RBFOX2: variants seen among roughly 807,000 people sequenced by gnomAD.
The protein encoded by RBFOX2 is RNA binding fox-1 homolog 2.
In RBFOX2, 10 loss-of-function variants were observed where a neutral mutation model predicts 49.1. That is an observed-to-expected ratio of 0.20 (90% CI 0.13 to 0.35). The LOEUF is 0.35. RBFOX2 is among the 10% of genes least tolerant of loss of function. RBFOX2 has a pLI of 1.00. For synonymous variants in RBFOX2, 183 were observed against 187.4 expected (o/e 0.98, Z 0.19); for missense variants, 323 against 486.9 (o/e 0.66, Z 3.17).
intron 1 of RBFOX2, among the ~76,000 whole-genome samples, chr22:35,905,840 T>C (rs5755983): frequency 0.23 from 34,730 of 152,116 alleles, 6,251 homozygotes; most frequent in African/African-American, 0.5. Context: ...AACACATATG[T>C]CATGGTGGTC....
chr22:35,801,902 AT>A (rs1949861124), intron 2 of RBFOX2, among the ~76,000 whole-genome samples: 1 of 152,140 alleles, frequency 6.6e-6, no homozygotes, highest in African/African-American at 2.4e-5. Flanking sequence ...AAAATTTCTC[AT>A]TTTATTGTTA....
chr22:35,858,167 C>T (rs1438291691), intron 1 of RBFOX2, among the ~76,000 whole-genome samples: 1 of 152,170 alleles, frequency 6.6e-6, no homozygotes, highest in African/African-American at 2.4e-5. Flanking sequence ...TAAATTTTAA[C>T]AAACTTTCTA....
At chr22:35,876,408 C>A (rs914774854) in intron 1 of RBFOX2, among the ~76,000 whole-genome samples, 1 of 151,238 alleles carries the variant, frequency 6.6e-6, no homozygotes, top group South Asian at 2.1e-4. Flanking sequence ...GAAATGTGCT[C>A]GGAAAAAAAG....
intron 1 of RBFOX2, among the ~76,000 whole-genome samples, chr22:35,860,447 C>T (rs543774305): frequency 5.9e-5 from 9 of 152,268 alleles, no homozygotes; most frequent in Admixed American, 2.6e-4. Flanking sequence ...ACTCCTGACC[C>T]GCAGAACTCT....
At chr22:35,928,713 C>T (rs962447504) in intron 1 of RBFOX2, among the ~76,000 whole-genome samples, 2 of 152,090 alleles carry the variant, frequency 1.3e-5, no homozygotes, top group African/African-American at 2.4e-5. Context: ...TGACAAAGAA[C>T]TTGTACCCAG....
chr22:35,897,700 G>A, intron 1 of RBFOX2: 1 of 1,015,220 alleles, frequency 9.9e-7, no homozygotes, highest in East Asian at 2.4e-5. Context: ...TTGTTTAACT[G>A]CCTTCCAGCC....
intron 1 of RBFOX2, among the ~76,000 whole-genome samples, chr22:35,886,175 G>A (rs573394820): frequency 6.6e-6 from 1 of 152,140 alleles, no homozygotes; most frequent in Non-Finnish European, 1.5e-5. Flanking sequence ...TATTTTAGTT[G>A]AACACTTTGC....
At chr22:35,844,933 C>T (rs1482886871), upstream of RBFOX2, among the ~76,000 whole-genome samples, 1 of 151,626 alleles carries the variant, frequency 6.6e-6, no homozygotes, top group Non-Finnish European at 1.5e-5. Context: ...AAAATAATAC[C>T]CACTCATTTA....
In RBFOX2 at chr22:35,744,200, TCA is replaced by T; in HGVS notation, c.1097_1098del (p.Val366AspfsTer14). 6.2e-7 allele frequency: 1 copy of T among 1,609,350 alleles called. No individual in the cohort carries two copies. The highest frequency in any genetic ancestry group is 1.3e-5 in the African/African-American group (1 of 74,854). The stretch of plus-strand genomic sequence containing the variant: ...CTGTCCCATTTGCAGGGGTCTCACG[TCA>T]CTTCAGTAGGGGGCAAATCGGCTGT... On this transcript the variant is annotated frameshift_variant, in exon 12 of 12. Transcript: ENST00000405409. LOFTEE classifies it high-confidence loss of function.
intron 1 of RBFOX2, among the ~76,000 whole-genome samples, chr22:35,972,634 C>T (rs931474576): frequency 6.6e-6 from 1 of 152,176 alleles, no homozygotes; most frequent in African/African-American, 2.4e-5. Context: ...AAATCCCACA[C>T]ACCTAATAAA....
intron 1 of RBFOX2, among the ~76,000 whole-genome samples, chr22:35,894,921 G>A (rs1479944500): frequency 1.3e-5 from 2 of 151,700 alleles, no homozygotes; most frequent in African/African-American, 2.4e-5. Flanking sequence ...CCAAAACTGG[G>A]GGGCAAGAGT....
intron 1 of RBFOX2, among the ~76,000 whole-genome samples, chr22:36,007,894 T>C (rs963730033): frequency 1.3e-5 from 2 of 152,222 alleles, no homozygotes; most frequent in African/African-American, 4.8e-5. Context: ...CCTTTTTTTT[T>C]CTCATCAAGA....
chr22:35,897,513 G>A lies in RBFOX2; in HGVS notation c.-34+41334C>T, dbSNP rs111750949. 4.7e-4 allele frequency: 387 copies of A among 816,596 alleles called. No homozygotes were observed. In the African/African-American group the frequency reaches 6.0e-3, roughly 13 times the overall value. 50.6% of individuals were successfully genotyped at this position (816,596 alleles called of 1,614,324 possible). ...TCTTGCTACCCACTGATAGGCAAAA[G>A]GTGGCAAGGGGTACGGGAGGAAGTA... On this transcript the variant is annotated intron_variant, in intron 1 of 13. Transcript: ENST00000359369.
chr22:35,916,666 CG>C (rs1252771547), intron 1 of RBFOX2, among the ~76,000 whole-genome samples: 2 of 152,126 alleles, frequency 1.3e-5, no homozygotes, highest in African/African-American at 4.8e-5. Context: ...GAGGCTGACG[CG>C]GGCGGGTCAC....
At chr22:35,995,444 GC>G (rs1193010452) in intron 1 of RBFOX2, 5 of 152,122 alleles carry the variant, frequency 3.3e-5, no homozygotes, top group Non-Finnish European at 5.9e-5. Flanking sequence ...CAAACCCAGA[GC>G]CTGCCGGGAG....
intron 2 of RBFOX2, among the ~76,000 whole-genome samples, chr22:35,786,304 T>G (rs1946375257): frequency 6.6e-6 from 1 of 152,228 alleles, no homozygotes; most frequent in Admixed American, 6.5e-5. Flanking sequence ...CCGTCCCCCT[T>G]GTTTTTAAGT....
rs1276054720 is a variant in RBFOX2 at position 35,759,707 on chromosome 22, G to A, written c.887+181C>T. Reference sequence around the variant, plus strand: ...AAGACTTATAATGAATTGACAGTTTGTCACATTCTGATGATGGTATATTTT... The same window carrying A: ...AAGACTTATAATGAATTGACAGTTTATCACATTCTGATGATGGTATATTTT... On this transcript the variant is annotated intron_variant, in intron 9 of 11. Coordinates refer to ENST00000405409, the Ensembl canonical transcript of RBFOX2. The surrounding 1 kb of genome is among the most constrained non-coding windows in gnomAD (Gnocchi z 4.6). Among the ~76,000 whole-genome samples the A allele has an allele frequency of 6.6e-6, 1 of 152,160 alleles. No individual in the cohort carries two copies. The highest frequency in any genetic ancestry group is 6.5e-5 in the Admixed American group (1 of 15,278).
At chr22:35,976,338 C>T (rs565593292) in intron 1 of RBFOX2, among the ~76,000 whole-genome samples, 3 of 144,458 alleles carry the variant, frequency 2.1e-5, no homozygotes, top group Non-Finnish European at 4.4e-5. Flanking sequence ...CCACCACCAC[C>T]CCCCCCTCTT....
chr22:35,797,056 G>A (rs942685603), intron 2 of RBFOX2, among the ~76,000 whole-genome samples: 1 of 152,036 alleles, frequency 6.6e-6, no homozygotes, highest in African/African-American at 2.4e-5. Flanking sequence ...AGGAGACATA[G>A]CATGTTATTG....
Sources: allele counts gnomAD v4.1 joint callset (sites outside exome capture counted in the v4.1 genomes callset), GRCh38; gene constraint gnomAD v4.1.1; non-coding constraint Gnocchi (gnomAD v3.1); transcripts MANE v1.5; gene names NCBI Gene and HGNC (gene_info 2026-07-23, HGNC 2026-07-21).